CROT: variants seen among roughly 807,000 people sequenced by gnomAD.
CROT encodes carnitine O-octanoyltransferase.
Under a neutral mutation model 89.2 loss-of-function variants are expected in CROT, and 84 were observed. The ratio of observed to expected loss-of-function variants is 0.94; its 90% CI spans 0.79 to 1.13. The LOEUF is 1.13. Among genes scored for constraint, CROT ranks in the 50% most tolerant of loss-of-function variants. CROT has a pLI of 0.00. For missense variants in CROT, 711 were observed against 727.8 expected (o/e 0.98, Z 0.27); for synonymous variants, 212 against 239.5 (o/e 0.89, Z 1.06).
chr7:87,356,653 G>A (rs1292544354), intron 3 of CROT, among the ~76,000 whole-genome samples: 2 of 152,286 alleles, frequency 1.3e-5, no homozygotes, highest in East Asian at 1.9e-4. Context: ...GGTTTCCACA[G>A]GGGGCAAGCA....
intron 7 of CROT, 121 bp downstream of exon 7, chr7:87,369,605 C>T (rs1038491721): frequency 1.9e-5 from 7 of 369,968 alleles, no homozygotes; most frequent in Non-Finnish European, 3.3e-5. Context: ...TTTATGCATG[C>T]TTTTTTAAAA....
chr7:87,371,473 A>G (rs1230290334), intron 7 of CROT, among the ~76,000 whole-genome samples: 3 of 152,296 alleles, frequency 2.0e-5, no homozygotes, highest in African/African-American at 7.2e-5. Flanking sequence ...ATTTGTTGCT[A>G]TAACAAATAA....
chr7:87,357,368 G>C, intron 3 of CROT: 3 of 1,089,624 alleles, frequency 2.8e-6, no homozygotes, highest in Non-Finnish European at 4.1e-6. Flanking sequence ...TTATACCCTA[G>C]AGACTCTAAC....
intron 13 of CROT, among the ~76,000 whole-genome samples, chr7:87,390,291 T>C (rs1373632155): frequency 6.6e-6 from 1 of 152,228 alleles, no homozygotes; most frequent in African/African-American, 2.4e-5. Context: ...GCATCTATTA[T>C]AAAAAGTTTA....
intron 7 of CROT, among the ~76,000 whole-genome samples, chr7:87,371,699 A>G (rs1806638270): frequency 6.6e-6 from 1 of 152,110 alleles, no homozygotes; most frequent in Non-Finnish European, 1.5e-5. Flanking sequence ...CTTAAAACAT[A>G]TCTGGTGAGT....
In CROT at chr7:87,398,688, C is replaced by T. The variant is rs1429557773; in HGVS notation, c.*44C>T. 2.5e-6 allele frequency: 4 copies of T among 1,587,526 alleles called. No individual in the cohort carries two copies. Among genetic ancestry groups the T allele is most frequent in the Admixed American group, 1.7e-5 (1 of 58,768 alleles). ...GCACTTACCAAAACATATCATTAAA[C>T]TGAGTGCTGGGAGTGAGTTGGTAAT... On this transcript the variant is annotated 3_prime_UTR_variant, in exon 18 of 18. Transcript: ENST00000331536.
At chr7:87,380,965 C>G (rs1806977308) in intron 10 of CROT, among the ~76,000 whole-genome samples, 1 of 152,180 alleles carries the variant, frequency 6.6e-6, no homozygotes, top group African/African-American at 2.4e-5. Flanking sequence ...ATACTGACCT[C>G]CCTCAAGAGC....
At chr7:87,380,945 C>T (rs1031039645) in intron 10 of CROT, among the ~76,000 whole-genome samples, 2 of 152,210 alleles carry the variant, frequency 1.3e-5, no homozygotes, top group South Asian at 4.1e-4. Context: ...ATAAACTGCT[C>T]AGGCATCTTA....
intron 13 of CROT, among the ~76,000 whole-genome samples, chr7:87,389,471 C>T (rs1209903645): frequency 6.6e-6 from 1 of 152,102 alleles, no homozygotes; most frequent in Non-Finnish European, 1.5e-5. Context: ...ATGTCCTTTG[C>T]AGGGACATGG....
chr7:87,393,022 TG>T lies in CROT; in HGVS notation c.1675del (p.Val559TyrfsTer34). 6.2e-7 allele frequency: 1 copy of T among 1,613,588 alleles called. No homozygotes were observed. Among genetic ancestry groups the T allele is most frequent in the Non-Finnish European group, 8.5e-7 (1 of 1,179,618 alleles). On this transcript the variant is annotated frameshift_variant, in exon 17 of 18. Transcript: ENST00000331536. LOFTEE classifies it high-confidence loss of function. Reference protein sequence around the residue: ...YLRVQGVVVPMVHNGYGFFYH... With the variant: ...YLRVQGVVVPXVHNGYGFFYH... ...CGAGTCCAGGGAGTGGTAGTTCCCA[TG>T]GTACACAATGGTTATGGATTTTTCT... is the stretch of plus-strand genomic sequence containing the variant.
At chr7:87,387,521 C>G (rs906646627) in intron 13 of CROT, among the ~76,000 whole-genome samples, 1 of 151,838 alleles carries the variant, frequency 6.6e-6, no homozygotes, top group African/African-American at 2.4e-5. Flanking sequence ...CCCCAAGCCC[C>G]CAGTGCATTA....
intron 4 of CROT, among the ~76,000 whole-genome samples, chr7:87,360,422 C>T (rs533275317): frequency 6.6e-6 from 1 of 152,260 alleles, no homozygotes; most frequent in South Asian, 2.1e-4. Flanking sequence ...CTCACTGCAA[C>T]CTCTGCCTCC....
At chr7:87,348,122 G>T (rs1235697801) in intron 2 of CROT, among the ~76,000 whole-genome samples, 1 of 152,066 alleles carries the variant, frequency 6.6e-6, no homozygotes, top group African/African-American at 2.4e-5. Flanking sequence ...GTTTTTGAGA[G>T]AATAGGAAGT....
intron 13 of CROT, among the ~76,000 whole-genome samples, chr7:87,387,499 G>A (rs941277044): frequency 4.0e-5 from 6 of 151,736 alleles, no homozygotes; most frequent in Non-Finnish European, 7.4e-5. Context: ...CAACATCATG[G>A]AGGTTAGGGG....
intron 7 of CROT, chr7:87,375,268 T>G (rs1229276166): frequency 5.4e-6 from 1 of 186,770 alleles, no homozygotes; most frequent in East Asian, 1.4e-4. Context: ...ATTATATTTG[T>G]GAAATTGATT....
chr7:87,393,307 C>T (rs1054870), intron 17 of CROT, among the ~76,000 whole-genome samples: 4,957 of 152,152 alleles, frequency 0.033, 252 homozygotes, highest in African/African-American at 0.11. Flanking sequence ...CAAGTCGATT[C>T]GGCAATCATA....
At chr7:87,362,232 C>G (rs544583502) in intron 6 of CROT, among the ~76,000 whole-genome samples, 7 of 151,392 alleles carry the variant, frequency 4.6e-5, no homozygotes, top group Admixed American at 6.6e-5. Context: ...ATGTGCTTAT[C>G]ATGCCACAGT....
Position 87,361,473 on chromosome 7 carries a change from T to A in CROT, c.324T>A (p.Ala108=), listed in dbSNP as rs956109864. The A allele has an allele frequency of 1.2e-6, 2 of 1,614,034 alleles. No individual in the cohort carries two copies. The highest frequency in any genetic ancestry group is 1.7e-6 in the Non-Finnish European group (2 of 1,179,966). ...QLNVNFAGPA[A]HFEHYWPPKE... ...ATGTCAACTTTGCGGGTCCTGCAGCTCATTTTGAACACTACTGGCCTCCAA... is the reference window on the plus strand; with the variant it reads ...ATGTCAACTTTGCGGGTCCTGCAGCACATTTTGAACACTACTGGCCTCCAA... Residue 108 remains alanine (A), a synonymous_variant, in exon 5 of 18, where the codon GCT becomes GCA. Coordinates refer to ENST00000331536, the MANE Select transcript of CROT (RefSeq NM_021151.4).
chr7:87,397,100 T>C (rs919040712), intron 17 of CROT, among the ~76,000 whole-genome samples: 138 of 152,280 alleles, frequency 9.1e-4, no homozygotes, highest in African/African-American at 3.1e-3. Flanking sequence ...ACGCCTGTAA[T>C]CCCAGCACTT....
Sources: gnomAD v4.1 joint callset for allele counts (sites outside exome capture counted in the v4.1 genomes callset) on GRCh38, gnomAD v4.1.1 for gene constraint, MANE v1.5 for transcripts, NCBI Gene and HGNC (gene_info 2026-07-23, HGNC 2026-07-21) for gene names.